The following LRMDA variants were observed in gnomAD, a reference collection of about 807,000 sequenced individuals.
The protein encoded by LRMDA is leucine-rich melanocyte differentiation-associated protein.
LRMDA carries 18 observed loss-of-function variants against 29.8 expected under a neutral mutation model. The observed-to-expected ratio is 0.60, with a 90% CI of 0.42 to 0.90. LRMDA has a LOEUF of 0.90. LRMDA is among the 40% of genes least tolerant of loss of function. The probability of loss-of-function intolerance (pLI) is 0.00; values close to 1 mark genes in which losing one functional copy is unlikely to be tolerated. For synonymous variants in LRMDA, 125 were observed against 109.4 expected (o/e 1.14, Z -0.89); for missense variants, 273 against 273.9 (o/e 1.00, Z 0.02).
chr10:75,434,905 C>A (rs1300718485), intron 1 of LRMDA, among the ~76,000 whole-genome samples: 1 of 152,250 alleles, frequency 6.6e-6, no homozygotes. Context: ...AACCTGCAGT[C>A]TTCTGCAGTT....
At chr10:75,671,641 T>G (rs1329202754) in intron 2 of LRMDA, among the ~76,000 whole-genome samples, 1 of 151,814 alleles carries the variant, frequency 6.6e-6, no homozygotes, top group African/African-American at 2.4e-5. Context: ...TGTCGTGGGG[T>G]GGGGGAGCTC....
At chr10:76,398,579 A>C (rs955484790) in intron 6 of LRMDA, among the ~76,000 whole-genome samples, 8 of 152,192 alleles carry the variant, frequency 5.3e-5, no homozygotes, top group African/African-American at 1.9e-4. Flanking sequence ...GAAAGAATGC[A>C]TTTGATTATA....
chr10:76,523,001 A>G (rs1481988613), intron 6 of LRMDA, among the ~76,000 whole-genome samples: 1 of 152,136 alleles, frequency 6.6e-6, no homozygotes, highest in Non-Finnish European at 1.5e-5. Context: ...GGCACTGCAG[A>G]CCAGAGAAAA....
intron 2 of LRMDA, among the ~76,000 whole-genome samples, chr10:75,501,829 T>C (rs1845117548): frequency 6.6e-6 from 1 of 152,230 alleles, no homozygotes; most frequent in African/African-American, 2.4e-5. Flanking sequence ...TTGCTTTCTT[T>C]ATTTTTTCTT....
chr10:76,070,275 C>G (rs1848854614), intron 5 of LRMDA, among the ~76,000 whole-genome samples: 1 of 152,102 alleles, frequency 6.6e-6, no homozygotes, highest in Non-Finnish European at 1.5e-5. Context: ...GGGGCAGGTA[C>G]CTAAGTCAGC....
chr10:75,520,801 C>T (rs1744111511), intron 2 of LRMDA, among the ~76,000 whole-genome samples: 1 of 152,210 alleles, frequency 6.6e-6, no homozygotes, highest in South Asian at 2.1e-4. Flanking sequence ...GCTTTGGTTT[C>T]TCTCCATCTT....
At chr10:75,564,509 G>A (rs1321288424) in intron 2 of LRMDA, among the ~76,000 whole-genome samples, 2 of 152,212 alleles carry the variant, frequency 1.3e-5, no homozygotes, top group Non-Finnish European at 2.9e-5. Context: ...GCCTCATCCT[G>A]CTTCAGCGCG....
intron 5 of LRMDA, among the ~76,000 whole-genome samples, chr10:76,200,248 G>A (rs1282316115): frequency 6.6e-6 from 1 of 152,198 alleles, no homozygotes; most frequent in Non-Finnish European, 1.5e-5. Flanking sequence ...ACAGGCATGA[G>A]CCACTGCATC....
intron 2 of LRMDA, among the ~76,000 whole-genome samples, chr10:76,019,943 G>A (rs1305802740): frequency 6.6e-6 from 1 of 152,190 alleles, no homozygotes; most frequent in Admixed American, 6.5e-5. Context: ...AGATTCTGGT[G>A]CAGGTGGTCC....
At chr10:75,764,044 C>T (rs1427792953) in intron 2 of LRMDA, among the ~76,000 whole-genome samples, 1 of 152,170 alleles carries the variant, frequency 6.6e-6, no homozygotes, top group African/African-American at 2.4e-5. Context: ...GCCAGTGAAT[C>T]TGGTCGCATG....
chr10:76,139,458 C>CA (rs1850159195), intron 5 of LRMDA, among the ~76,000 whole-genome samples: 3 of 152,104 alleles, frequency 2.0e-5, no homozygotes, highest in Non-Finnish European at 4.4e-5. Context: ...CTTACTTACT[C>CA]TGGTTTCAAA....
In LRMDA at chr10:76,376,865, CTTTTTTTTTTTTT is replaced by C. The variant is rs71024600; in HGVS notation, c.601+52406_601+52418del. Among the ~76,000 whole-genome samples, 113 of 47,380 alleles carry C rather than the reference CTTTTTTTTTTTTT, an allele frequency of 2.4e-3. 22 individuals are homozygous for C. Among genetic ancestry groups the C allele is most frequent in the East Asian group, 0.012 (17 of 1,478 alleles). The allele number at this position is 47,380 out of a possible 152,430, so 31.1% of individuals were successfully genotyped here. ...AAATGTTTGTTGGGCACTTGGAAGT[CTTTTTTTTTTTTT>C]TTTTTTTTTTTTTTTTTTTTTTTTT... On this transcript the variant is annotated intron_variant, in intron 6 of 6. Coordinates refer to ENST00000611255, the MANE Select transcript of LRMDA (RefSeq NM_001305581.2).
intron 2 of LRMDA, among the ~76,000 whole-genome samples, chr10:75,645,238 C>A (rs925451228): frequency 6.6e-6 from 1 of 152,232 alleles, no homozygotes; most frequent in African/African-American, 2.4e-5. Context: ...CCGCCTCAGT[C>A]TCCCAAAGTG....
At chr10:75,572,487 G>A (rs567612405) in intron 2 of LRMDA, among the ~76,000 whole-genome samples, 3 of 152,140 alleles carry the variant, frequency 2.0e-5, no homozygotes, top group Admixed American at 6.5e-5. Flanking sequence ...TTTGTTGAGT[G>A]ACTATTTTAC....
rs539627089 is a variant in LRMDA at position 75,579,398 on chromosome 10, A to G, written c.131+140904A>G. ...AAGAAGTTGAATCCCTGAATAGACC[A>G]ATAACAAGTTCTGAAATTGAGGTAG... On this transcript the variant is annotated intron_variant, in intron 2 of 6. Coordinates refer to ENST00000611255, the MANE Select transcript of LRMDA (RefSeq NM_001305581.2). 5.3e-5 allele frequency among the ~76,000 whole-genome samples: 8 copies of G among 152,230 alleles called. 1 individual carries two copies. Among genetic ancestry groups the G allele is most frequent in the Non-Finnish European group, 1.2e-4 (8 of 68,050 alleles).
chr10:76,340,254 G>A (rs777900093), intron 6 of LRMDA, among the ~76,000 whole-genome samples: 13 of 152,072 alleles, frequency 8.5e-5, no homozygotes, highest in East Asian at 7.8e-4. Context: ...GGTGGCTCAC[G>A]CCTGTAACCC....
At chr10:75,792,587 A>G (rs1481909508) in intron 2 of LRMDA, among the ~76,000 whole-genome samples, 2 of 152,098 alleles carry the variant, frequency 1.3e-5, no homozygotes, top group East Asian at 3.9e-4. Context: ...ACCATTGAAC[A>G]CCTTACATTC....
Position 76,497,675 on chromosome 10 carries a change from A to G in LRMDA, c.602-59534A>G, listed in dbSNP as rs1199860174. ...TGTGGGATATTTGCAGCTGAGACTA[A>G]GTCCTAGTGCTTTCTTAATAAAAGC... On this transcript the variant is annotated intron_variant, in intron 6 of 6. Coordinates refer to ENST00000611255, the MANE Select transcript of LRMDA (RefSeq NM_001305581.2). 6.6e-5 allele frequency among the ~76,000 whole-genome samples: 5 copies of G among 75,832 alleles called. 2 individuals carry two copies. Among genetic ancestry groups the G allele is most frequent in the Admixed American group, 4.9e-4 (4 of 8,134 alleles). The allele number at this position is 75,832 out of a possible 152,430, so 49.7% of individuals were successfully genotyped here. A position where few individuals can be genotyped will look rare whatever the true frequency, so the allele number is the denominator to read the frequency against.
chr10:76,338,143 G>A (rs1453946362), intron 6 of LRMDA, among the ~76,000 whole-genome samples: 1 of 150,778 alleles, frequency 6.6e-6, no homozygotes, highest in Non-Finnish European at 1.5e-5. Context: ...CTTTTGATCA[G>A]AAACTATAGA....
Sources: allele counts gnomAD v4.1 joint callset (sites outside exome capture counted in the v4.1 genomes callset), GRCh38; gene constraint gnomAD v4.1.1; transcripts MANE v1.5; gene names NCBI Gene and HGNC (gene_info 2026-07-23, HGNC 2026-07-21).